The following HCRTR2 variants were observed in gnomAD, a reference collection of about 807,000 sequenced individuals.
The protein encoded by HCRTR2 is orexin receptor type 2.
A neutral mutation model predicts 49.0 loss-of-function variants in HCRTR2; 22 were observed. The ratio of observed to expected loss-of-function variants is 0.45; its 90% confidence interval spans 0.32 to 0.64. HCRTR2 has a LOEUF of 0.64. Ranked by LOEUF, HCRTR2 falls within the 30% of genes least tolerant of loss-of-function variation. HCRTR2 has a pLI of 0.04. For missense variants in HCRTR2, 491 were observed against 559.4 expected, an observed-to-expected ratio of 0.88 and a Z score of 1.23; for synonymous variants, 236 against 205.3, an observed-to-expected ratio of 1.15 and a Z score of -1.28.
At chr6:55,216,580 T>C (rs1765791821) in intron 1 of HCRTR2, among the ~76,000 whole-genome samples, 2 of 152,190 alleles carry the variant, frequency 1.3e-5, no homozygotes, top group African/African-American at 2.4e-5. Context: ...GCAGGGCACA[T>C]ATTAAATTGT....
Position 55,245,728 on chromosome 6 carries a change from A to G in HCRTR2, c.224-2911A>G, listed in dbSNP as rs75399141. Among the ~76,000 whole-genome samples, 63 of 151,856 alleles carry G rather than the reference A, an allele frequency of 4.1e-4. 1 individual carries two copies. Among genetic ancestry groups the G allele is most frequent in the African/African-American group, 1.5e-3 (62 of 41,476 alleles). On this transcript the variant is annotated intron_variant, in intron 1 of 6. Coordinates refer to ENST00000370862, the MANE Select transcript of HCRTR2 (RefSeq NM_001384272.1). ...CAGGGTGATGGGGAATGAAAAGCCC[A>G]TAAGTTTCACATGATGGATTCTGAT...
intron 2 of HCRTR2, among the ~76,000 whole-genome samples, chr6:55,254,452 C>T (rs1394852330): frequency 6.6e-6 from 1 of 152,028 alleles, no homozygotes; most frequent in Non-Finnish European, 1.5e-5. Context: ...TAATTATATA[C>T]AAATTTTGAC....
chr6:55,274,859 G>C (rs750249326), intron 4 of HCRTR2, among the ~76,000 whole-genome samples: 2 of 152,058 alleles, frequency 1.3e-5, no homozygotes, highest in East Asian at 3.9e-4. Context: ...GAAATTTGTT[G>C]GAACATATTA....
intron 1 of HCRTR2, among the ~76,000 whole-genome samples, chr6:55,140,733 A>G (rs1218195800): frequency 1.3e-5 from 2 of 152,234 alleles, no homozygotes; most frequent in Non-Finnish European, 2.9e-5. Flanking sequence ...CATATACAAA[A>G]GTATATCATA....
chr6:55,233,470 A>C (rs1406805022), intron 1 of HCRTR2, among the ~76,000 whole-genome samples: 5 of 152,146 alleles, frequency 3.3e-5, no homozygotes, highest in African/African-American at 1.2e-4. Context: ...GCAAGAAGGA[A>C]ATTGAGCCCA....
chr6:55,180,573 G>C (rs528975555), intron 1 of HCRTR2, among the ~76,000 whole-genome samples: 2 of 138,334 alleles, frequency 1.4e-5, no homozygotes, highest in African/African-American at 4.9e-5. Context: ...ACCTGTTCAG[G>C]GGGTTGACTC....
intron 1 of HCRTR2, among the ~76,000 whole-genome samples, chr6:55,240,020 C>T (rs891644557): frequency 1.2e-4 from 18 of 151,790 alleles, no homozygotes; most frequent in African/African-American, 4.4e-4. Context: ...CGGGTGATCC[C>T]CCCGCCTCGT....
At chr6:55,254,236 TAA>T (rs71724975) in intron 2 of HCRTR2, among the ~76,000 whole-genome samples, 2 of 151,042 alleles carry the variant, frequency 1.3e-5, no homozygotes, top group African/African-American at 4.9e-5. Flanking sequence ...TAACAATCTG[TAA>T]AAAAAAATGT....
At chr6:55,214,971 C>T (rs1307450493) in intron 1 of HCRTR2, among the ~76,000 whole-genome samples, 2 of 151,908 alleles carry the variant, frequency 1.3e-5, no homozygotes, top group Non-Finnish European at 2.9e-5. Context: ...TATGTGTTAT[C>T]AGAGTTTTAG....
chr6:55,117,337 G>T (rs561135717), intron 1 of HCRTR2, among the ~76,000 whole-genome samples: 8 of 151,696 alleles, frequency 5.3e-5, no homozygotes, highest in African/African-American at 1.7e-4. Context: ...TGCTCAAAGA[G>T]GTTGAATCAA....
At chr6:55,160,173 G>A (rs1048474173) in intron 1 of HCRTR2, among the ~76,000 whole-genome samples, 1 of 152,140 alleles carries the variant, frequency 6.6e-6, no homozygotes, top group Admixed American at 6.5e-5. Context: ...AGAGAGTGAA[G>A]GCCAATATTC....
chr6:55,268,906 T>A (rs1459590617), intron 4 of HCRTR2, among the ~76,000 whole-genome samples: 1 of 151,622 alleles, frequency 6.6e-6, no homozygotes, highest in East Asian at 1.9e-4. Context: ...CTAGCTAACA[T>A]GGTGAAACCT....
intron 1 of HCRTR2, among the ~76,000 whole-genome samples, chr6:55,141,959 A>T (rs919963343): frequency 3.3e-5 from 5 of 152,218 alleles, no homozygotes; most frequent in Admixed American, 6.5e-5. Context: ...ATGGGAAATA[A>T]ATTGTAAAAT....
At chr6:55,142,548 C>T (rs1474691704) in intron 1 of HCRTR2, among the ~76,000 whole-genome samples, 1 of 151,826 alleles carries the variant, frequency 6.6e-6, no homozygotes, top group African/African-American at 2.4e-5. Flanking sequence ...ATATTTAATG[C>T]ACATTAATGG....
intron 4 of HCRTR2, among the ~76,000 whole-genome samples, chr6:55,267,309 T>A (rs1361322335): frequency 1.3e-5 from 2 of 152,062 alleles, no homozygotes; most frequent in African/African-American, 4.8e-5. Flanking sequence ...GTGAGCAAAT[T>A]GTGTGTCCTT....
intron 1 of HCRTR2, among the ~76,000 whole-genome samples, chr6:55,215,356 T>C (rs190277192): frequency 6.6e-6 from 1 of 152,194 alleles, no homozygotes. Flanking sequence ...TGAAGGAGAA[T>C]AAAGGATATT....
chr6:55,226,521 G>T (rs147207965), intron 1 of HCRTR2, among the ~76,000 whole-genome samples: 36 of 151,712 alleles, frequency 2.4e-4, no homozygotes, highest in Admixed American at 1.4e-3. Flanking sequence ...GTTGGCCAGG[G>T]TGGTCTCGAG....
At chr6:55,254,988 A>G in intron 2 of HCRTR2, 148 bp from the exon 3 acceptor site, 2 of 698,640 alleles carry the variant, frequency 2.9e-6, no homozygotes, top group East Asian at 5.5e-5. Flanking sequence ...TTCTTTTTAA[A>G]TAGAAAGCAC....
At chr6:55,197,881 A>C (rs1439602960) in intron 1 of HCRTR2, among the ~76,000 whole-genome samples, 1 of 152,132 alleles carries the variant, frequency 6.6e-6, no homozygotes, top group Non-Finnish European at 1.5e-5. Context: ...TCGGCCTCCC[A>C]AAGTGCTGGG....
Sources: allele counts gnomAD v4.1 joint callset (sites outside exome capture counted in the v4.1 genomes callset), GRCh38; gene constraint gnomAD v4.1.1; transcripts MANE v1.5; gene names NCBI Gene and HGNC (gene_info 2026-07-23, HGNC 2026-07-21).